Variants in PPIP5K2 observed in about 807,000 individuals in gnomAD.
PPIP5K2 encodes inositol hexakisphosphate and diphosphoinositol-pentakisphosphate kinase 2.
In PPIP5K2, 105 loss-of-function variants were observed where a neutral mutation model predicts 154.6. The observed-to-expected ratio is 0.68, with a 90% CI of 0.58 to 0.80. PPIP5K2 has a LOEUF of 0.80. Among genes scored for constraint, PPIP5K2 ranks in the 30% least tolerant of loss-of-function variants. PPIP5K2 has a pLI of 0.00. For synonymous variants in PPIP5K2, 480 were observed against 490.3 expected (o/e 0.98, Z 0.28); for missense variants, 992 against 1,504.6 (o/e 0.66, Z 5.64).
rs1796120651 is a variant in PPIP5K2 at position 103,160,939 on chromosome 5, CT to C, written c.1920+1617del. Among the ~76,000 whole-genome samples the C allele has an allele frequency of 2.7e-5, 4 of 145,838 alleles. No individual in the cohort carries two copies. In the South Asian group the frequency reaches 8.8e-4, roughly 32 times the overall value. On this transcript the variant is annotated intron_variant, in intron 17 of 30. Transcript: ENST00000358359. Reference sequence around the variant, plus strand: ...GGTAATGTCAAACTGTTTTTTTTTTCTTTTTTGTCTTTTCATTCTTTTTTTT... The same window carrying C: ...GGTAATGTCAAACTGTTTTTTTTTTCTTTTTGTCTTTTCATTCTTTTTTTT...
intron 10 of PPIP5K2, among the ~76,000 whole-genome samples, chr5:103,153,277 A>C (rs1172017896): frequency 6.6e-6 from 1 of 151,864 alleles, no homozygotes; most frequent in Non-Finnish European, 1.5e-5. Flanking sequence ...GTGTTAAATA[A>C]AATTTTTTTC....
rs782490332 is a variant in PPIP5K2 at position 103,194,878 on chromosome 5, ATGTT to A, written c.3494-16_3494-13del. 4.4e-6 allele frequency: 7 copies of A among 1,595,580 alleles called. No individual in the cohort carries two copies. The East Asian group carries it at 6.7e-5, about 15-fold the overall frequency. On this transcript the variant is annotated intron_variant, in intron 29 of 30. Coordinates refer to ENST00000358359, the MANE Select transcript of PPIP5K2 (RefSeq NM_001276277.3). ...ATTGGCAGGAAATTATTAAATTAAC[ATGTT>A]TGTTTATTTTTTTTCAGCCTCTACA... is the stretch of plus-strand genomic sequence containing the variant.
Position 103,173,866 on chromosome 5 carries a change from G to GAGGT in PPIP5K2, c.2424_2427dup (p.Val810ArgfsTer6). The GAGGT allele has an allele frequency of 6.3e-7, 1 of 1,579,886 alleles. No individual in the cohort carries two copies. The highest frequency in any genetic ancestry group is 8.7e-7 in the Non-Finnish European group (1 of 1,150,634). ...TCTGCTTCTAATTTTAGGTATTCTA[G>GAGGT]AGGTGTTCTGTCTCCTGAACGTCAT... On this transcript the variant is annotated frameshift_variant, in exon 21 of 31. Coordinates refer to ENST00000358359, the MANE Select transcript of PPIP5K2 (RefSeq NM_001276277.3). LOFTEE classifies it high-confidence loss of function.
At chr5:103,137,307 C>A (rs552309287) in intron 4 of PPIP5K2, among the ~76,000 whole-genome samples, 2 of 151,922 alleles carry the variant, frequency 1.3e-5, no homozygotes, top group South Asian at 2.1e-4. Flanking sequence ...GGATTACAGG[C>A]GCCCGCCACC....
Position 103,201,744 on chromosome 5 carries a change from CTT to C in PPIP5K2, c.*112_*113del. The C allele has an allele frequency of 1.2e-6, 1 of 809,370 alleles. No homozygotes were observed. The allele number at this position is 809,370 out of a possible 1,614,324, so 50.1% of individuals were successfully genotyped here. A position where few individuals can be genotyped will look rare whatever the true frequency, so the allele number is the denominator to read the frequency against. ...AAAATGTTTTTAAATCTAAGGTTTT[CTT>C]TGTTTATGTTCAGGTAAGGAACTGT... On this transcript the variant is annotated 3_prime_UTR_variant, in exon 31 of 31. Transcript: ENST00000358359.
intron 19 of PPIP5K2, among the ~76,000 whole-genome samples, chr5:103,169,077 A>T (rs539150243): frequency 1.3e-5 from 2 of 151,876 alleles, no homozygotes; most frequent in East Asian, 3.9e-4. Context: ...CTTTTGGGGG[A>T]CATGGGTCTT....
intron 19 of PPIP5K2, among the ~76,000 whole-genome samples, chr5:103,169,699 T>G (rs1554219011): frequency 6.6e-6 from 1 of 151,762 alleles, no homozygotes; most frequent in Non-Finnish European, 1.5e-5. Flanking sequence ...AATACGTCTT[T>G]AGGCCTTTAG....
At chr5:103,174,494 C>T (rs1798415275) in intron 21 of PPIP5K2, among the ~76,000 whole-genome samples, 1 of 151,936 alleles carries the variant, frequency 6.6e-6, no homozygotes. Flanking sequence ...CTCAAATAAT[C>T]TCAAGGGTTT....
intron 17 of PPIP5K2, among the ~76,000 whole-genome samples, chr5:103,162,365 G>GT (rs1343054590): frequency 1.3e-4 from 15 of 116,836 alleles, no homozygotes; most frequent in African/African-American, 3.0e-4. Context: ...TTTTTTTTTT[G>GT]TTTTTTTGTT....
rs1169160120 is a variant in PPIP5K2 at position 103,142,860 on chromosome 5, C to CT, written c.488-3666dup. On this transcript the variant is annotated intron_variant, in intron 5 of 30. Coordinates refer to ENST00000358359, the MANE Select transcript of PPIP5K2 (RefSeq NM_001276277.3). ...AGTACACAGATAAATACATAATACT[C>CT]TAACACTGTCATTGTGGTGTACAAA... Among the ~76,000 whole-genome samples, 27 of 151,928 alleles carry CT rather than the reference C, an allele frequency of 1.8e-4. 1 individual carries two copies. Among genetic ancestry groups the CT allele is most frequent in the Admixed American group, 6.6e-4 (10 of 15,246 alleles).
intron 13 of PPIP5K2, among the ~76,000 whole-genome samples, chr5:103,155,515 C>G (rs1272291101): frequency 1.4e-5 from 2 of 145,928 alleles, no homozygotes; most frequent in South Asian, 2.2e-4. Flanking sequence ...AACCTCTCCC[C>G]CTCCCAAGTT....
chr5:103,173,118 TA>T, intron 19 of PPIP5K2, 36 bp from the exon 20 acceptor site: 1 of 1,529,704 alleles, frequency 6.5e-7, no homozygotes, highest in East Asian at 2.3e-5. Context: ...ACTTTGTCAT[TA>T]TATCCTTTTT....
intron 5 of PPIP5K2, among the ~76,000 whole-genome samples, chr5:103,139,517 A>G (rs1792185694): frequency 6.6e-6 from 1 of 152,176 alleles, no homozygotes; most frequent in African/African-American, 2.4e-5. Context: ...CATAACACTT[A>G]GTCTTTTTTG....
At chr5:103,165,731 G>A (rs552171708) in intron 17 of PPIP5K2, among the ~76,000 whole-genome samples, 61 of 152,164 alleles carry the variant, frequency 4.0e-4, no homozygotes, top group African/African-American at 1.1e-3. Context: ...AAGATGGGAC[G>A]AGATGATGTT....
chr5:103,173,129 T>G (rs1554219972), intron 19 of PPIP5K2, 26 bp from the exon 20 acceptor site: 1 of 1,556,118 alleles, frequency 6.4e-7, no homozygotes, highest in African/African-American at 1.4e-5. Flanking sequence ...ATATCCTTTT[T>G]CTAATGTCAT....
rs569091434 is a variant in PPIP5K2, at chr5:103,151,255, A to G, written c.909A>G (p.Gln303=). 6.3e-7 allele frequency: 1 copy of G among 1,591,962 alleles called. No individual in the cohort carries two copies. The highest frequency in any genetic ancestry group is 1.2e-5 in the South Asian group (1 of 86,290). Residue 303 remains glutamine, a splice_region_variant and synonymous_variant, in exon 9 of 31, where the codon CAA becomes CAG. Coordinates refer to ENST00000358359, the MANE Select transcript of PPIP5K2 (RefSeq NM_001276277.3). ...IAWKVCLAFK[Q]TVCGFDLLRA... ...AGTTTATAACTTATTTTAAATAGCA[A>G]ACAGTTTGTGGCTTTGATTTGTTAC... is the stretch of plus-strand genomic sequence containing the variant.
At chr5:103,158,649 C>T in intron 16 of PPIP5K2, 76 bp downstream of exon 16, 1 of 1,238,904 alleles carries the variant, frequency 8.1e-7, no homozygotes, top group South Asian at 1.7e-5. Context: ...TGGCTGGGCG[C>T]AGTGGCTTAC....
chr5:103,128,449 C>T lies in PPIP5K2; in HGVS notation c.-284-857C>T, dbSNP rs147366295. ...TGAGACAGAGTCTTTCTCTGTTATT[C>T]AAGCTGGAGTGTAGAGGCACAGTCA... On this transcript the variant is annotated intron_variant, in intron 1 of 30. Transcript: ENST00000358359. Among the ~76,000 whole-genome samples the T allele has an allele frequency of 1.4e-3, 210 of 151,754 alleles. 1 individual carries two copies. Among genetic ancestry groups the T allele is most frequent in the African/African-American group, 5.0e-3 (206 of 41,372 alleles).
At chr5:103,155,188 G>C (rs1312832529) in intron 13 of PPIP5K2, among the ~76,000 whole-genome samples, 1 of 151,902 alleles carries the variant, frequency 6.6e-6, no homozygotes, top group Non-Finnish European at 1.5e-5. Context: ...GTGAAATACT[G>C]CTTAGAATGA....
Sources: allele counts gnomAD v4.1 joint callset (sites outside exome capture counted in the v4.1 genomes callset), GRCh38; gene constraint gnomAD v4.1.1; transcripts MANE v1.5; gene names NCBI Gene and HGNC (gene_info 2026-07-23, HGNC 2026-07-21).